Variants in TRIM23 observed in about 807,000 individuals in gnomAD.
The protein encoded by TRIM23 is tripartite motif containing 23.
TRIM23 carries 27 observed loss-of-function variants against 71.0 expected under a neutral mutation model. The observed-to-expected ratio is 0.38, with a 90% CI of 0.28 to 0.52. The LOEUF is 0.52. TRIM23 is among the 20% of genes least tolerant of loss of function. The probability of loss-of-function intolerance (pLI) is 0.84; values close to 1 mark genes in which losing one functional copy is unlikely to be tolerated. For synonymous variants in TRIM23, 234 were observed against 238.0 expected, an observed-to-expected ratio of 0.98 and a Z score of 0.16; for missense variants, 482 against 692.3, an observed-to-expected ratio of 0.70 and a Z score of 3.41.
At chr5:65,604,182 T>A (rs1581181034) in intron 7 of TRIM23, among the ~76,000 whole-genome samples, 1 of 152,120 alleles carries the variant, frequency 6.6e-6, no homozygotes, top group African/African-American at 2.4e-5. Context: ...CTGTAACCTC[T>A]GCCTCCTGGT....
At chr5:65,601,842 C>T (rs1028719813) in intron 7 of TRIM23, among the ~76,000 whole-genome samples, 2 of 151,948 alleles carry the variant, frequency 1.3e-5, no homozygotes, top group South Asian at 2.1e-4. Context: ...AGCCACAGCC[C>T]GAGCTCTACA....
At chr5:65,623,139 G>A (rs958714632) in intron 1 of TRIM23, among the ~76,000 whole-genome samples, 1 of 152,168 alleles carries the variant, frequency 6.6e-6, no homozygotes. Context: ...CTCATTTGCT[G>A]TCATATAAAA....
At position 65,590,961 on chromosome 5, in the gene TRIM23, T is replaced by C. The variant is rs1325866267; in HGVS notation, c.*808A>G. ...TGCAATATTATATTAGAAAGAAATA[T>C]TACTTTAAATTTGTTGAAAAATAGA... On this transcript the variant is annotated 3_prime_UTR_variant, in exon 11 of 11. Coordinates refer to ENST00000231524, the MANE Select transcript of TRIM23 (RefSeq NM_001656.4). 2 of 984,530 alleles carry C rather than the reference T, an allele frequency of 2.0e-6. No homozygotes were observed. The highest frequency in any genetic ancestry group is 4.7e-5 in the South Asian group (1 of 21,290). The allele number at this position is 984,530 out of a possible 1,614,324, so 61.0% of individuals were successfully genotyped here.
chr5:65,596,901 T>G, intron 8 of TRIM23, 150 bp downstream of exon 8: 1 of 916,236 alleles, frequency 1.1e-6, no homozygotes, highest in Non-Finnish European at 1.6e-6. Flanking sequence ...CCCATAGTCA[T>G]ACAATCTTGC....
chr5:65,614,282 T>C, intron 2 of TRIM23, 63 bp from the exon 3 acceptor site: 9 of 1,497,050 alleles, frequency 6.0e-6, no homozygotes, highest in Non-Finnish European at 8.3e-6. Context: ...ATTTTACCCA[T>C]ACCTCAAAAG....
At position 65,624,261 on chromosome 5, in the gene TRIM23, A is replaced by G. The variant is rs1755051208; in HGVS notation, c.14T>C (p.Val5Ala). 6.2e-7 allele frequency: 1 copy of G among 1,613,986 alleles called. No individual in the cohort carries two copies. The highest frequency in any genetic ancestry group is 8.5e-7 in the Non-Finnish European group (1 of 1,180,028). MATL[V>A]VNKLGAGVDS... ...TACTCCCGCTCCGAGCTTGTTTACA[A>G]CCAGGGTAGCCATCCTCGCAGGGGA... Residue 5 changes from valine to alanine, a missense_variant, in exon 1 of 11, where the codon GTT (valine) becomes GCT (alanine). Around this residue, in one of 2 missense-constraint regions of TRIM23, gnomAD observed 175 missense variants for 196.5 expected, o/e 0.89. Transcript: ENST00000231524.
At chr5:65,619,105 T>C (rs1438656944) in intron 1 of TRIM23, among the ~76,000 whole-genome samples, 1 of 152,212 alleles carries the variant, frequency 6.6e-6, no homozygotes, top group Non-Finnish European at 1.5e-5. Context: ...TATTCAATCA[T>C]ACCTCAAACT....
intron 6 of TRIM23, among the ~76,000 whole-genome samples, chr5:65,606,019 G>A (rs154941): frequency 0.62 from 94,369 of 152,110 alleles, 29,536 homozygotes; most frequent in South Asian, 0.65. Flanking sequence ...CTTAACTGTT[G>A]AATTCCTTCC....
chr5:65,612,293 A>T (rs1430416739), intron 3 of TRIM23, among the ~76,000 whole-genome samples: 1 of 152,210 alleles, frequency 6.6e-6, no homozygotes, highest in Non-Finnish European at 1.5e-5. Context: ...ATGATGATGT[A>T]TAGGAAGGAC....
chr5:65,604,839 T>G (rs1456820995), intron 7 of TRIM23, 72 bp downstream of exon 7: 10 of 1,423,390 alleles, frequency 7.0e-6, no homozygotes, highest in Non-Finnish European at 9.4e-6. Flanking sequence ...CTCTTTAAGG[T>G]GATTATCATG....
intron 9 of TRIM23, among the ~76,000 whole-genome samples, chr5:65,595,337 C>T (rs1224290205): frequency 6.6e-6 from 1 of 151,972 alleles, no homozygotes; most frequent in Non-Finnish European, 1.5e-5. Flanking sequence ...ACGGGCGGAT[C>T]ACGAGGTCAG....
chr5:65,606,621 A>T (rs113216738), intron 6 of TRIM23, among the ~76,000 whole-genome samples: 2 of 152,242 alleles, frequency 1.3e-5, no homozygotes, highest in Non-Finnish European at 2.9e-5. Flanking sequence ...TTCCTCAAAC[A>T]TACCAGGCAT....
At chr5:65,617,289 TA>T (rs1561751785) in intron 2 of TRIM23, among the ~76,000 whole-genome samples, 1 of 152,194 alleles carries the variant, frequency 6.6e-6, no homozygotes, top group African/African-American at 2.4e-5. Context: ...TCTTCCAGCC[TA>T]AAATTATAGG....
At chr5:65,608,441 A>G (rs1754562684) in intron 6 of TRIM23, among the ~76,000 whole-genome samples, 1 of 152,246 alleles carries the variant, frequency 6.6e-6, no homozygotes, top group Non-Finnish European at 1.5e-5. Context: ...ATGAGGCTAT[A>G]GACTGGCCAC....
chr5:65,618,301 G>T, intron 1 of TRIM23, 46 bp from the exon 2 acceptor site: 1 of 1,538,474 alleles, frequency 6.5e-7, no homozygotes, highest in Non-Finnish European at 8.7e-7. Context: ...AATTTTAAAA[G>T]CATACATATT....
In TRIM23 at chr5:65,591,228, G is replaced by A. The variant is rs1002906146; in HGVS notation, c.*541C>T. 1 of 1,248,452 alleles carries A rather than the reference G, an allele frequency of 8.0e-7. No individual in the cohort carries two copies. The highest frequency in any genetic ancestry group is 1.0e-6 in the Non-Finnish European group (1 of 995,630). The allele number at this position is 1,248,452 out of a possible 1,614,324, so 77.3% of individuals were successfully genotyped here. On this transcript the variant is annotated 3_prime_UTR_variant, in exon 11 of 11. Transcript: ENST00000231524. ...TAGTTCTTAGCATTAAAGGTGTTCTGTTAACTCTGAACATAAACATAAAGT... is the reference window on the plus strand; with the variant it reads ...TAGTTCTTAGCATTAAAGGTGTTCTATTAACTCTGAACATAAACATAAAGT...
In TRIM23 at chr5:65,590,458, G is replaced by A. The variant is rs1267672495; in HGVS notation, c.*1311C>T. 4 of 1,263,956 alleles carry A rather than the reference G, an allele frequency of 3.2e-6. No homozygotes were observed. Among genetic ancestry groups the A allele is most frequent in the Non-Finnish European group, 4.0e-6 (4 of 994,232 alleles). 78.3% of individuals were successfully genotyped at this position (1,263,956 alleles called of 1,614,324 possible). On this transcript the variant is annotated 3_prime_UTR_variant, in exon 11 of 11. Coordinates refer to ENST00000231524, the MANE Select transcript of TRIM23 (RefSeq NM_001656.4). ...TGAACCACAACAGTGCTACCAAAAAGTCACATCTTGTTACCAGACATCACT... is the reference window on the plus strand; with the variant it reads ...TGAACCACAACAGTGCTACCAAAAAATCACATCTTGTTACCAGACATCACT...
intron 9 of TRIM23, among the ~76,000 whole-genome samples, chr5:65,595,452 G>T (rs1226330416): frequency 1.3e-5 from 2 of 151,540 alleles, no homozygotes; most frequent in Admixed American, 6.6e-5. Flanking sequence ...CAGCTACTCA[G>T]GAGGCTGAGG....
intron 1 of TRIM23, among the ~76,000 whole-genome samples, chr5:65,623,204 T>C: frequency 6.6e-6 from 1 of 152,200 alleles, no homozygotes; most frequent in Admixed American, 6.5e-5. Flanking sequence ...GAAAAAAACT[T>C]CATATATTAC....
Sources: gnomAD v4.1 joint callset for allele counts (sites outside exome capture counted in the v4.1 genomes callset) on GRCh38, gnomAD v4.1.1 for gene constraint, gnomAD v4.1.1 regional missense constraint, MANE v1.5 for transcripts, NCBI Gene and HGNC (gene_info 2026-07-23, HGNC 2026-07-21) for gene names.